Variants in SEMA5A observed in about 807,000 individuals in gnomAD.
SEMA5A encodes the protein semaphorin-5A.
A neutral mutation model predicts 135.5 loss-of-function variants in SEMA5A; 55 were observed. The observed-to-expected ratio is 0.41, with a 90% confidence interval of 0.33 to 0.51. The LOEUF is 0.51. Ranked by LOEUF, SEMA5A falls within the 20% of genes least tolerant of loss-of-function variation. The pLI, the probability that SEMA5A is intolerant of heterozygous loss-of-function variation, is 0.37. For missense variants in SEMA5A, 1,290 were observed against 1,419.9 expected, an observed-to-expected ratio of 0.91 and a Z score of 1.47; for synonymous variants, 580 against 546.5, an observed-to-expected ratio of 1.06 and a Z score of -0.85.
intron 8 of SEMA5A, among the ~76,000 whole-genome samples, chr5:9,205,266 C>A (rs1745947295): frequency 6.6e-6 from 1 of 151,742 alleles, no homozygotes; most frequent in East Asian, 1.9e-4. Context: ...ACCAGAGAGA[C>A]AATAAATGAT....
chr5:9,332,538 TC>T (rs1254051023), intron 4 of SEMA5A, among the ~76,000 whole-genome samples: 1 of 149,660 alleles, frequency 6.7e-6, no homozygotes, highest in African/African-American at 2.5e-5. Flanking sequence ...TCACATTGGG[TC>T]AGGTGTGCAA....
chr5:9,540,318 G>A (rs181734630), intron 1 of SEMA5A, among the ~76,000 whole-genome samples: 193 of 152,176 alleles, frequency 1.3e-3, no homozygotes, highest in African/African-American at 4.3e-3. Flanking sequence ...GGCCGGGCGC[G>A]GTGGCTCACG....
chr5:9,166,078 C>A (rs150720983), intron 11 of SEMA5A, among the ~76,000 whole-genome samples: 143 of 152,168 alleles, frequency 9.4e-4, no homozygotes, highest in African/African-American at 3.2e-3. Context: ...GATAGTCAGT[C>A]GGTTTAAACT....
intron 15 of SEMA5A, 85 bp downstream of exon 15, chr5:9,118,913 A>G (rs367683816): frequency 1.3e-6 from 2 of 1,528,286 alleles, no homozygotes; most frequent in South Asian, 1.3e-5. Context: ...AGGCAGATCC[A>G]AAACTAAAAC....
At chr5:9,083,206 C>A (rs1040291575) in intron 16 of SEMA5A, among the ~76,000 whole-genome samples, 3 of 152,142 alleles carry the variant, frequency 2.0e-5, no homozygotes, top group Non-Finnish European at 4.4e-5. Flanking sequence ...TCTTGGCTCT[C>A]TGTGCTGGGA....
chr5:9,301,929 G>A (rs1228155283), intron 5 of SEMA5A, among the ~76,000 whole-genome samples: 1 of 152,062 alleles, frequency 6.6e-6, no homozygotes, highest in African/African-American at 2.4e-5. Context: ...ACTCAAGGTG[G>A]TAGCAGAGCT....
intron 16 of SEMA5A, among the ~76,000 whole-genome samples, chr5:9,068,450 G>C (rs1737592907): frequency 6.6e-6 from 1 of 152,160 alleles, no homozygotes; most frequent in Non-Finnish European, 1.5e-5. Context: ...TGGAGGAAGA[G>C]GGCAGAACTC....
chr5:9,367,161 T>C (rs1754952990), intron 3 of SEMA5A, among the ~76,000 whole-genome samples: 1 of 152,206 alleles, frequency 6.6e-6, no homozygotes, highest in Non-Finnish European at 1.5e-5. Flanking sequence ...TTTAACTAAT[T>C]AAAATTAAAT....
intron 16 of SEMA5A, among the ~76,000 whole-genome samples, chr5:9,071,830 T>G (rs1737784451): frequency 6.6e-6 from 1 of 152,212 alleles, no homozygotes; most frequent in African/African-American, 2.4e-5. Context: ...TCTCTTTCAG[T>G]AACTAAGCTT....
intron 5 of SEMA5A, among the ~76,000 whole-genome samples, chr5:9,241,887 A>C (rs764466563): frequency 5.3e-5 from 8 of 152,228 alleles, no homozygotes; most frequent in Admixed American, 1.3e-4. Context: ...AAAGGCAGAC[A>C]CTTCATAAAA....
Position 9,281,435 on chromosome 5 carries a change from G to A in SEMA5A, c.270+36937C>T, listed in dbSNP as rs182325871. ...CAGCTGGGAAGGGTTTGCTACTGGC[G>A]TCTAGTGGATAGAGTCCAGGATGCT... On this transcript the variant is annotated intron_variant, in intron 5 of 22. Coordinates refer to ENST00000382496, the MANE Select transcript of SEMA5A (RefSeq NM_003966.3). Among the ~76,000 whole-genome samples, 324 of 152,326 alleles carry A rather than the reference G, an allele frequency of 2.1e-3. 1 individual carries two copies. The highest frequency in any genetic ancestry group is 7.5e-3 in the African/African-American group (310 of 41,564).
At chr5:9,099,224 ATAC>A (rs2150138322) in intron 16 of SEMA5A, among the ~76,000 whole-genome samples, 1 of 152,288 alleles carries the variant, frequency 6.6e-6, no homozygotes, top group East Asian at 1.9e-4. Context: ...TAGAAAACTT[ATAC>A]TTTTGTGGCC....
rs540322398 is a variant in SEMA5A at position 9,483,833 on chromosome 5, A to T, written c.-174-45981T>A. ...AATAAATACGCAAAGCCTTGGGGGG[A>T]GGAGAAAAAAACAGCTTTGAAGGGA... On this transcript the variant is annotated intron_variant, in intron 1 of 22. Coordinates refer to ENST00000382496, the MANE Select transcript of SEMA5A (RefSeq NM_003966.3). 6.6e-5 allele frequency among the ~76,000 whole-genome samples: 10 copies of T among 152,258 alleles called. No individual in the cohort carries two copies. In the East Asian group the frequency reaches 1.9e-3, roughly 29 times the overall value.
At chr5:9,369,660 TG>T (rs917370620) in intron 3 of SEMA5A, among the ~76,000 whole-genome samples, 1 of 152,150 alleles carries the variant, frequency 6.6e-6, no homozygotes, top group Non-Finnish European at 1.5e-5. Flanking sequence ...TATATGTATA[TG>T]TGGGCCTATT....
In SEMA5A at chr5:9,329,318, C is replaced by T. The variant is rs113666440; in HGVS notation, c.224+8395G>A. On this transcript the variant is annotated intron_variant, in intron 4 of 22. Transcript: ENST00000382496. The stretch of plus-strand genomic sequence containing the variant: ...TTTTGTGGTCTATGTGCCAACTACT[C>T]GTCTCTGCAGTTTTAGCTCAAAAGC... 8.2e-3 allele frequency among the ~76,000 whole-genome samples: 1,254 copies of T among 152,318 alleles called. 14 individuals carry two copies. Among genetic ancestry groups the T allele is most frequent in the Non-Finnish European group, 0.013 (908 of 68,036 alleles).
At chr5:9,512,507 G>A (rs1425027535) in intron 1 of SEMA5A, among the ~76,000 whole-genome samples, 3 of 152,022 alleles carry the variant, frequency 2.0e-5, no homozygotes, top group Non-Finnish European at 2.9e-5. Flanking sequence ...CTCATAATCC[G>A]GTGTTATTTT....
intron 1 of SEMA5A, among the ~76,000 whole-genome samples, chr5:9,509,630 C>A (rs1484016157): frequency 6.6e-6 from 1 of 152,258 alleles, no homozygotes; most frequent in African/African-American, 2.4e-5. Context: ...AGAGCCCCTG[C>A]AATACCACAG....
At chr5:9,233,108 G>A (rs1747722179) in intron 6 of SEMA5A, among the ~76,000 whole-genome samples, 2 of 152,132 alleles carry the variant, frequency 1.3e-5, no homozygotes. Context: ...ATAATTCTAG[G>A]AACTTGGTGT....
chr5:9,338,269 A>T (rs1326246113), intron 3 of SEMA5A, among the ~76,000 whole-genome samples: 1 of 152,228 alleles, frequency 6.6e-6, no homozygotes, highest in Non-Finnish European at 1.5e-5. Flanking sequence ...CTTTCAAATT[A>T]GATGTTCCAT....
Sources: gnomAD v4.1 joint callset for allele counts (sites outside exome capture counted in the v4.1 genomes callset) on GRCh38, gnomAD v4.1.1 for gene constraint, MANE v1.5 for transcripts, NCBI Gene and HGNC (gene_info 2026-07-23, HGNC 2026-07-21) for gene names.